Variants in FNBP1 observed in about 807,000 individuals in gnomAD.
FNBP1 encodes formin-binding protein 1.
FNBP1 carries 26 observed loss-of-function variants against 90.6 expected under a neutral mutation model. That is an observed-to-expected ratio of 0.29 (90% confidence interval 0.21 to 0.40). FNBP1 has a LOEUF of 0.40. FNBP1 is among the 10% of genes least tolerant of loss of function. FNBP1 has a pLI of 1.00. For missense variants in FNBP1, 635 were observed against 768.0 expected (o/e 0.83, Z 2.05); for synonymous variants, 260 against 265.2 (o/e 0.98, Z 0.19).
chr9:129,996,673 G>A (rs1372403067), intron 1 of FNBP1, among the ~76,000 whole-genome samples: 1 of 152,108 alleles, frequency 6.6e-6, no homozygotes, highest in African/African-American at 2.4e-5. Context: ...TATACATTCA[G>A]TGTCTTACTT....
At chr9:129,929,858 A>G (rs908353474) in intron 6 of FNBP1, among the ~76,000 whole-genome samples, 163 bp from the exon 7 acceptor site, 2 of 152,174 alleles carry the variant, frequency 1.3e-5, no homozygotes, top group African/African-American at 4.8e-5. Flanking sequence ...AATTGACTTT[A>G]GGTAAGCAAT....
the FNBP1 span, among the ~76,000 whole-genome samples, chr9:130,051,129 G>T: frequency 6.6e-6 from 1 of 151,990 alleles, no homozygotes; most frequent in African/African-American, 2.4e-5. Context: ...TCAGACTCCT[G>T]GCCTCAGGTG....
rs182928901 is a variant in FNBP1 at position 129,900,850 on chromosome 9, T to A, written c.1429-303A>T. On this transcript the variant is annotated intron_variant, in intron 13 of 16. Transcript: ENST00000446176. The surrounding 1 kb of genome is among the most constrained non-coding windows in gnomAD (Gnocchi z 4.1). ...GCCCACGATGGGGCAGAAAGCACAC[T>A]GGACTATGCTATCCCCTTGGGCTTT... Among the ~76,000 whole-genome samples the A allele has an allele frequency of 2.2e-3, 341 of 152,384 alleles. No homozygotes were observed. Among genetic ancestry groups the A allele is most frequent in the Non-Finnish European group, 4.2e-3 (288 of 68,034 alleles).
chr9:129,946,845 G>A (rs2045367073), intron 6 of FNBP1, among the ~76,000 whole-genome samples: 1 of 152,188 alleles, frequency 6.6e-6, no homozygotes, highest in African/African-American at 2.4e-5. Context: ...TGACATGGAT[G>A]AACTCAGTTT....
At chr9:129,921,241 G>C (rs537459901) in intron 10 of FNBP1, among the ~76,000 whole-genome samples, 1 of 150,674 alleles carries the variant, frequency 6.6e-6, no homozygotes, top group African/African-American at 2.4e-5. Flanking sequence ...TAATAAACTT[G>C]TTATCAATTA....
In FNBP1 at chr9:130,006,965, G is replaced by A. The variant is rs967108952; in HGVS notation, c.25-12007C>T. On this transcript the variant is annotated intron_variant, in intron 1 of 16. Coordinates refer to ENST00000446176, the MANE Select transcript of FNBP1 (RefSeq NM_015033.3). The stretch of plus-strand genomic sequence containing the variant: ...AAAGAATGTGGAGGCCGGGTGCGGC[G>A]GCTCATGCCTATAATCCCAGCACTT... Among the ~76,000 whole-genome samples the A allele has an allele frequency of 2.6e-5, 4 of 152,172 alleles. No homozygotes were observed. The South Asian group carries it at 6.2e-4, about 24-fold the overall frequency.
rs114483837 is a variant in FNBP1 at position 129,890,420 on chromosome 9, G to A, written c.*119C>T. On this transcript the variant is annotated 3_prime_UTR_variant, in exon 17 of 17. Transcript: ENST00000446176. This position sits in a 1 kb window ranked among gnomAD's most constrained non-coding sequence, Gnocchi z 5.8. The stretch of plus-strand genomic sequence containing the variant: ...GCTGGAGAGAGAGAGAGACCGCCCC[G>A]CAGGGATGGGGCTGCGGAGGGGTGG... 1.6e-5 allele frequency: 13 copies of A among 820,476 alleles called. No homozygotes were observed. Among genetic ancestry groups the A allele is most frequent in the African/African-American group, 5.1e-5 (3 of 58,424 alleles). The allele number at this position is 820,476 out of a possible 1,614,324, so 50.8% of individuals were successfully genotyped here. A position where few individuals can be genotyped will look rare whatever the true frequency, so the allele number is the denominator to read the frequency against.
chr9:129,912,384 T>C (rs2039454692), intron 11 of FNBP1, among the ~76,000 whole-genome samples: 1 of 152,146 alleles, frequency 6.6e-6, no homozygotes, highest in Non-Finnish European at 1.5e-5. Flanking sequence ...TAAGATACAC[T>C]GCTTCAGAAA....
At chr9:129,916,556 G>A (rs750141168) in intron 10 of FNBP1, among the ~76,000 whole-genome samples, 1 of 151,514 alleles carries the variant, frequency 6.6e-6, no homozygotes, top group Non-Finnish European at 1.5e-5. Context: ...GACGGAGGTT[G>A]CAGTGAGCTG....
chr9:130,021,659 CACAG>C lies in FNBP1; in HGVS notation c.24+21289_24+21292del, dbSNP rs1174609567. Among the ~76,000 whole-genome samples, 4 of 152,156 alleles carry C rather than the reference CACAG, an allele frequency of 2.6e-5. No homozygotes were observed. In the East Asian group the frequency reaches 5.8e-4, roughly 22 times the overall value. On this transcript the variant is annotated intron_variant, in intron 1 of 16. Transcript: ENST00000446176. Reference sequence around the variant, plus strand: ...CCTGTTTTGCAACAGGGAGTAAGTACACAGACAATCATTAAGGAGACTTCAAAAA... The same window carrying C: ...CCTGTTTTGCAACAGGGAGTAAGTACACAATCATTAAGGAGACTTCAAAAA...
chr9:129,919,736 C>G (rs2040809972), intron 10 of FNBP1, among the ~76,000 whole-genome samples: 1 of 152,164 alleles, frequency 6.6e-6, no homozygotes, highest in African/African-American at 2.4e-5. Flanking sequence ...AATCTGAAAG[C>G]TGCAAAACAT....
chr9:129,937,376 CTGTTT>C (rs1471028554), intron 6 of FNBP1, among the ~76,000 whole-genome samples: 2 of 152,208 alleles, frequency 1.3e-5, no homozygotes, highest in South Asian at 2.1e-4. Flanking sequence ...TATGTATATC[CTGTTT>C]TAACAATGTA....
chr9:130,036,961 T>C (rs1589419776), intron 1 of FNBP1, among the ~76,000 whole-genome samples: 1 of 149,012 alleles, frequency 6.7e-6, no homozygotes. Flanking sequence ...GGGAGAATGG[T>C]GTGAACCTGG....
chr9:130,041,541 C>G lies in FNBP1; in HGVS notation c.24+1411G>C, dbSNP rs1967975. Among the ~76,000 whole-genome samples the G allele has an allele frequency of 0.89, 135,412 of 152,208 alleles. 61,062 individuals are homozygous for G. Among genetic ancestry groups the G allele is most frequent in the East Asian group, 0.97 (5,033 of 5,188 alleles). ...GAAACTTCAATACGGTACTCAAAGT[C>G]ATAGATTTTGCCTAAACTGGTGTGT... On this transcript the variant is annotated intron_variant, in intron 1 of 16. Transcript: ENST00000446176. This position sits in a 1 kb window ranked among gnomAD's most constrained non-coding sequence, Gnocchi z 4.3.
rs552645500 is a variant in FNBP1, at chr9:129,900,475, C to A, written c.1501G>T (p.Asp501Tyr). 5.0e-6 allele frequency: 8 copies of A among 1,605,298 alleles called. No individual in the cohort carries two copies. In the South Asian group the frequency reaches 8.9e-5, roughly 18 times the overall value. ...TTGACTGTGGGTGGGTTCTGGCTGT[C>A]GTACAGTCCGCTCTGCCGGCGCGCC... is the stretch of plus-strand genomic sequence containing the variant. ...EQARRQSGLY[D>Y]SQNPPTVNNC... Residue 501 changes from aspartate (D) to tyrosine (Y), a missense_variant, in exon 14 of 17, where the codon GAC (aspartate) becomes TAC (tyrosine). Asp to Tyr is a radical substitution (Grantham distance 160). Coordinates refer to ENST00000446176, the MANE Select transcript of FNBP1 (RefSeq NM_015033.3). This position sits in a 1 kb window ranked among gnomAD's most constrained non-coding sequence, Gnocchi z 4.1.
At position 130,022,878 on chromosome 9, in the gene FNBP1, T is replaced by C. The variant is rs574130792; in HGVS notation, c.24+20074A>G. Among the ~76,000 whole-genome samples, 15 of 152,304 alleles carry C rather than the reference T, an allele frequency of 9.8e-5. No homozygotes were observed. In the South Asian group the frequency reaches 2.9e-3, roughly 29 times the overall value. On this transcript the variant is annotated intron_variant, in intron 1 of 16. Transcript: ENST00000446176. The stretch of plus-strand genomic sequence containing the variant: ...TTTTGATAGAGACAGGGGTTGGCCG[T>C]GTTGCCCAGTGTAATCCCAGCACTT...
intron 2 of FNBP1, among the ~76,000 whole-genome samples, chr9:129,987,837 G>C (rs1369704167): frequency 6.6e-6 from 1 of 151,838 alleles, no homozygotes; most frequent in East Asian, 1.9e-4. Flanking sequence ...GCATCCCTCA[G>C]TTTCACTTTA....
At chr9:130,046,806 G>C (rs2060063318), upstream of FNBP1, among the ~76,000 whole-genome samples, 1 of 151,288 alleles carries the variant, frequency 6.6e-6, no homozygotes, top group Non-Finnish European at 1.5e-5. Flanking sequence ...AGTTCCTAGA[G>C]GGTGGCATGC....
At position 129,929,733 on chromosome 9, in the gene FNBP1, C is replaced by T. The variant is rs1167605716; in HGVS notation, c.514-38G>A. ...ACAAGAATACTCCTACGTTTATACA[C>T]CATAGATAAAAGCCTGGGTGCAATC... is the stretch of plus-strand genomic sequence containing the variant. On this transcript the variant is annotated intron_variant, in intron 6 of 16. Transcript: ENST00000446176. 8.7e-6 allele frequency: 14 copies of T among 1,607,886 alleles called. 2 individuals carry two copies. In the South Asian group the frequency reaches 1.2e-4, roughly 14 times the overall value.
Sources: allele counts gnomAD v4.1 joint callset (sites outside exome capture counted in the v4.1 genomes callset), GRCh38; gene constraint gnomAD v4.1.1; non-coding constraint Gnocchi (gnomAD v3.1); transcripts MANE v1.5; gene names NCBI Gene and HGNC (gene_info 2026-07-23, HGNC 2026-07-21).